Variants in GNB5 observed in about 807,000 individuals in gnomAD.
GNB5 encodes G protein subunit beta 5.
In GNB5, 37 loss-of-function variants were observed where a neutral mutation model predicts 55.3. The ratio of observed to expected loss-of-function variants is 0.67; its 90% CI spans 0.51 to 0.88. GNB5 has a LOEUF of 0.88. Ranked by LOEUF, GNB5 falls within the 40% of genes least tolerant of loss-of-function variation. GNB5 has a pLI of 0.00. For synonymous variants in GNB5, 219 were observed against 198.5 expected (o/e 1.10, Z -0.87); for missense variants, 476 against 515.3 (o/e 0.92, Z 0.74).
At chr15:52,165,781 C>T (rs533930373) in intron 3 of GNB5, among the ~76,000 whole-genome samples, 1 of 152,172 alleles carries the variant, frequency 6.6e-6, no homozygotes, top group African/African-American at 2.4e-5. Context: ...AGCACCTACA[C>T]AAACAAGTCT....
chr15:52,139,826 C>T (rs796161583), intron 7 of GNB5: 1 of 1,264,446 alleles, frequency 7.9e-7, no homozygotes, highest in Non-Finnish European at 1.0e-6. Flanking sequence ...CTGGTGCCCC[C>T]TTTCATCCCC....
chr15:52,137,954 G>C (rs1434765139), intron 7 of GNB5: 1 of 1,287,126 alleles, frequency 7.8e-7, no homozygotes, highest in Admixed American at 2.3e-5. Context: ...GCTGAGGAAA[G>C]AAAAGAGGAA....
chr15:52,150,979 A>C (rs2034080372), intron 4 of GNB5, among the ~76,000 whole-genome samples: 2 of 152,226 alleles, frequency 1.3e-5, no homozygotes, highest in African/African-American at 4.8e-5. Flanking sequence ...GGCAGAAGCA[A>C]GATCGGATCT....
chr15:52,121,131 C>T lies in GNB5; in HGVS notation c.*1626G>A, dbSNP rs1209557624. On this transcript the variant is annotated 3_prime_UTR_variant, in exon 13 of 13. Transcript: ENST00000261837. Reference sequence around the variant, plus strand: ...CAGCTCCAGCTCTGGAAGAGTCTCTCTGAGGAGCAGGGCCTGGAGCTGGGC... The same window carrying T: ...CAGCTCCAGCTCTGGAAGAGTCTCTTTGAGGAGCAGGGCCTGGAGCTGGGC... 6.6e-6 allele frequency: 1 copy of T among 152,274 alleles called. No homozygotes were observed. The allele number at this position is 152,274 out of a possible 1,614,324, so 9.4% of individuals were successfully genotyped here.
chr15:52,179,496 A>T (rs965722483), intron 3 of GNB5, among the ~76,000 whole-genome samples: 1 of 151,152 alleles, frequency 6.6e-6, no homozygotes, highest in Non-Finnish European at 1.5e-5. Context: ...GCAGGTGATG[A>T]GGATAGCTAG....
Position 52,141,229 on chromosome 15 carries a change from T to G in GNB5, c.538A>C (p.Lys180Gln). ...KCSVYPLTFD[K>Q]NENMAAKKKS... ...TTTTTGGCAGCCATGTTTTCATTTTTGTCAAACGTCAAGGGGTACACAGAA... is the reference window on the plus strand; with the variant it reads ...TTTTTGGCAGCCATGTTTTCATTTTGGTCAAACGTCAAGGGGTACACAGAA... Residue 180 changes from lysine (K) to glutamine (Q), a missense_variant, in exon 7 of 13, where the codon AAA becomes CAA. Physicochemically the swap from Lys to Gln is moderately conservative, Grantham distance 53. Coordinates refer to ENST00000261837, the MANE Select transcript of GNB5 (RefSeq NM_016194.4). The G allele has an allele frequency of 1.2e-6, 2 of 1,614,016 alleles. No individual in the cohort carries two copies. Among genetic ancestry groups the G allele is most frequent in the East Asian group, 2.2e-5 (1 of 44,888 alleles).
chr15:52,127,911 T>C (rs1447900288), intron 10 of GNB5, among the ~76,000 whole-genome samples: 4 of 151,772 alleles, frequency 2.6e-5, no homozygotes, highest in African/African-American at 9.7e-5. Context: ...TAAGAAAATA[T>C]AATGGAGAGA....
rs7168636 is a variant in GNB5 at position 52,161,359 on chromosome 15, G to A, written c.239-7283C>T. On this transcript the variant is annotated intron_variant, in intron 3 of 12. Transcript: ENST00000261837. ...GTTGCCCAGGCTGGAGTGCAGTGGC[G>A]TGATCTTGGCTCACTGCAACCTCCA... Among the ~76,000 whole-genome samples, 888 of 152,214 alleles carry A rather than the reference G, an allele frequency of 5.8e-3. 11 individuals carry two copies. Among genetic ancestry groups the A allele is most frequent in the African/African-American group, 0.02 (840 of 41,528 alleles).
At chr15:52,165,157 T>A (rs1444556132) in intron 3 of GNB5, among the ~76,000 whole-genome samples, 2 of 151,622 alleles carry the variant, frequency 1.3e-5, no homozygotes, top group Non-Finnish European at 2.9e-5. Context: ...CAGACAAGAA[T>A]AGAGAAAAAA....
In GNB5 at chr15:52,115,584, C is replaced by A. The variant is rs2033131208; in HGVS notation, c.*7173G>T. 6.6e-6 allele frequency: 1 copy of A among 152,216 alleles called. No individual in the cohort carries two copies. Among genetic ancestry groups the A allele is most frequent in the Admixed American group, 6.5e-5 (1 of 15,276 alleles). The allele number at this position is 152,216 out of a possible 1,614,324, so 9.4% of individuals were successfully genotyped here. On this transcript the variant is annotated 3_prime_UTR_variant, in exon 13 of 13. Coordinates refer to ENST00000261837, the MANE Select transcript of GNB5 (RefSeq NM_016194.4). ...TGGCAACGGTGACTATGCTCACTTG[C>A]CCCATTATCAGCCAAAACCAAAATG...
intron 10 of GNB5, 142 bp downstream of exon 10, chr15:52,128,054 A>G (rs933207987): frequency 1.8e-6 from 1 of 552,556 alleles, no homozygotes; most frequent in Non-Finnish European, 3.2e-6. Flanking sequence ...GGGTAAGGAG[A>G]TCAAGGTAAT....
At chr15:52,184,026 G>T (rs575335942) in intron 2 of GNB5, among the ~76,000 whole-genome samples, 1 of 152,194 alleles carries the variant, frequency 6.6e-6, no homozygotes, top group African/African-American at 2.4e-5. Context: ...ATCTTCATTA[G>T]AGCTGGACCT....
intron 9 of GNB5, 186 bp from the exon 10 acceptor site, chr15:52,128,430 G>T: frequency 1.6e-6 from 1 of 621,430 alleles, no homozygotes; most frequent in Non-Finnish European, 2.9e-6. Flanking sequence ...CTGTTAGTGG[G>T]GGACAGTGAC....
Position 52,135,673 on chromosome 15 carries a change from C to T in GNB5, c.711G>A (p.Gly237=), listed in dbSNP as rs2033684956. Reference sequence around the variant, plus strand: ...CCAGGTCCAAGCAGAGGACGTCAGCCCCATGTCCGTGGAAGCTCTGCAGCA... The same window carrying T: ...CCAGGTCCAAGCAGAGGACGTCAGCTCCATGTCCGTGGAAGCTCTGCAGCA... ...GQLLQSFHGH[G]ADVLCLDLAP... The change falls in exon 8 of 13, where the codon GGG becomes GGA. Residue 237 remains glycine, a synonymous_variant. Coordinates refer to ENST00000261837, the MANE Select transcript of GNB5 (RefSeq NM_016194.4). 1 of 1,613,550 alleles carries T rather than the reference C, an allele frequency of 6.2e-7. No individual in the cohort carries two copies. Among genetic ancestry groups the T allele is most frequent in the Non-Finnish European group, 8.5e-7 (1 of 1,179,816 alleles).
intron 7 of GNB5, chr15:52,139,745 G>C (rs1321342337): frequency 2.4e-5 from 28 of 1,148,250 alleles, no homozygotes; most frequent in Non-Finnish European, 3.0e-5. Flanking sequence ...TCCCCGCCGA[G>C]GTAGCCAGCT....
At chr15:52,172,950 A>G (rs1050111991) in intron 3 of GNB5, among the ~76,000 whole-genome samples, 10 of 152,120 alleles carry the variant, frequency 6.6e-5, no homozygotes, top group African/African-American at 2.4e-4. Context: ...TCTTTTACTG[A>G]ATAAAAAAAA....
At chr15:52,159,957 T>C (rs142630554) in intron 3 of GNB5, among the ~76,000 whole-genome samples, 1 of 151,934 alleles carries the variant, frequency 6.6e-6, no homozygotes, top group African/African-American at 2.4e-5. Context: ...GCTTCTTTTT[T>C]TTTTTTTTGA....
chr15:52,126,790 A>G (rs1189892795), intron 10 of GNB5, among the ~76,000 whole-genome samples: 1 of 152,000 alleles, frequency 6.6e-6, no homozygotes, highest in Non-Finnish European at 1.5e-5. Context: ...AGAAGTAGAG[A>G]TGTTTTATTG....
intron 1 of GNB5, among the ~76,000 whole-genome samples, chr15:52,185,752 T>TA (rs1566952395): frequency 2.4e-4 from 23 of 94,424 alleles, no homozygotes; most frequent in Non-Finnish European, 4.3e-4. Context: ...GTATTCATCT[T>TA]TTTATTATTA....
Sources: allele counts gnomAD v4.1 joint callset (sites outside exome capture counted in the v4.1 genomes callset), GRCh38; gene constraint gnomAD v4.1.1; transcripts MANE v1.5; gene names NCBI Gene and HGNC (gene_info 2026-07-23, HGNC 2026-07-21).